EDARADD: variants seen among roughly 807,000 people sequenced by gnomAD.
EDARADD encodes the protein EDAR associated via death domain, also known as ectodysplasin-A receptor-associated adapter protein.
In EDARADD, 20 loss-of-function variants were observed where a neutral mutation model predicts 25.6. The observed-to-expected ratio is 0.78, with a 90% CI of 0.55 to 1.14. The LOEUF is 1.14. EDARADD is among the 50% of genes most tolerant of loss of function. The pLI, the probability that EDARADD is intolerant of heterozygous loss-of-function variation, is 0.00. For missense variants in EDARADD, 225 were observed against 270.1 expected (o/e 0.83, Z 1.17); for synonymous variants, 86 against 94.4 (o/e 0.91, Z 0.52).
intron 1 of EDARADD, among the ~76,000 whole-genome samples, chr1:236,402,548 C>A (rs898282958): frequency 2.6e-5 from 4 of 152,038 alleles, no homozygotes; most frequent in Non-Finnish European, 4.4e-5. Flanking sequence ...GAGAGTGAAA[C>A]CCTGTCTCAA....
intron 4 of EDARADD, among the ~76,000 whole-genome samples, chr1:236,434,235 A>T (rs1253565612): frequency 6.6e-6 from 1 of 150,648 alleles, no homozygotes; most frequent in Non-Finnish European, 1.5e-5. Flanking sequence ...AACATTATGA[A>T]TTTTTTTGCT....
chr1:236,377,230 A>T (rs1203514768), intron 3 of EDARADD, among the ~76,000 whole-genome samples: 2 of 150,998 alleles, frequency 1.3e-5, no homozygotes, highest in African/African-American at 2.4e-5. Context: ...ATCTCGGTTC[A>T]CTGCAACCTC....
chr1:236,416,622 T>C (rs556388535), intron 3 of EDARADD, among the ~76,000 whole-genome samples: 3 of 152,330 alleles, frequency 2.0e-5, no homozygotes, highest in African/African-American at 7.2e-5. Flanking sequence ...TCATGCTGAA[T>C]AGTATTTTTT....
intron 1 of EDARADD, among the ~76,000 whole-genome samples, chr1:236,402,327 T>C (rs1667627725): frequency 1.3e-5 from 2 of 152,110 alleles, no homozygotes; most frequent in South Asian, 4.1e-4. Context: ...TCCCAGCATT[T>C]TGGGAAGCCA....
chr1:236,361,283 C>T (rs1419702464), intron 3 of EDARADD, among the ~76,000 whole-genome samples: 1 of 150,112 alleles, frequency 6.7e-6, no homozygotes, highest in African/African-American at 2.5e-5. Context: ...CTGTCAATTC[C>T]TTGGTTTTGT....
chr1:236,432,122 G>A (rs1658112197), intron 4 of EDARADD, among the ~76,000 whole-genome samples: 1 of 152,060 alleles, frequency 6.6e-6, no homozygotes, highest in Admixed American at 6.6e-5. Context: ...ACATGCATAA[G>A]CATATGGCAA....
At chr1:236,478,122 GA>G (rs113781551) in intron 5 of EDARADD, among the ~76,000 whole-genome samples, 6,500 of 150,510 alleles carry the variant, frequency 0.043, 356 homozygotes, top group African/African-American at 0.13. Flanking sequence ...GAAAAGGAAA[GA>G]AAAAAAAATC....
At chr1:236,440,543 G>A (rs1282932869) in intron 4 of EDARADD, among the ~76,000 whole-genome samples, 2 of 151,208 alleles carry the variant, frequency 1.3e-5, no homozygotes, top group Non-Finnish European at 2.9e-5. Context: ...TCTTTTTATT[G>A]TGTGTTATGT....
intron 3 of EDARADD, among the ~76,000 whole-genome samples, chr1:236,377,854 TA>T (rs142570871): frequency 4.8e-5 from 7 of 146,752 alleles, no homozygotes; most frequent in African/African-American, 7.5e-5. Flanking sequence ...GAGACTCCAT[TA>T]AAAAAAAAAC....
In EDARADD at chr1:236,483,755, G is replaced by A. The variant is rs946510220; in HGVS notation, c.*1106G>A. The A allele has an allele frequency of 5.3e-6, 8 of 1,495,402 alleles. No individual in the cohort carries two copies. Among genetic ancestry groups the A allele is most frequent in the Non-Finnish European group, 7.4e-6 (8 of 1,073,860 alleles). The allele number at this position is 1,495,402 out of a possible 1,614,324, so 92.6% of individuals were successfully genotyped here. On this transcript the variant is annotated 3_prime_UTR_variant, in exon 6 of 6. Transcript: ENST00000334232. The stretch of plus-strand genomic sequence containing the variant: ...ACCACAGCCTGAAGAATGTCATCAA[G>A]GAGAAATATGGGAAAGATGCCACCG...
chr1:236,483,837 G>A lies in EDARADD; in HGVS notation c.*1188G>A. The A allele has an allele frequency of 3.5e-6, 5 of 1,430,272 alleles. No homozygotes were observed. Among genetic ancestry groups the A allele is most frequent in the Non-Finnish European group, 4.9e-6 (5 of 1,014,726 alleles). 88.6% of individuals were successfully genotyped at this position (1,430,272 alleles called of 1,614,324 possible). On this transcript the variant is annotated 3_prime_UTR_variant, in exon 6 of 6. Coordinates refer to ENST00000334232, the MANE Select transcript of EDARADD (RefSeq NM_145861.4). ...CATCCTGGAGAATAAAGAAGGCCTG[G>A]AGCTGCTGAAGACTGCGATTGGGAA...
intron 3 of EDARADD, among the ~76,000 whole-genome samples, chr1:236,382,792 G>A (rs552471828): frequency 3.2e-4 from 48 of 152,252 alleles, no homozygotes; most frequent in African/African-American, 1.2e-3. Context: ...TGGTTGGCAC[G>A]AACAGGCACT....
chr1:236,355,500 CTTTT>C (rs563976436), intron 3 of EDARADD, among the ~76,000 whole-genome samples: 3 of 73,166 alleles, frequency 4.1e-5, no homozygotes, highest in Admixed American at 2.5e-4. Flanking sequence ...GCTTCTTCTT[CTTTT>C]TTTTTTTTTT....
intron 3 of EDARADD, among the ~76,000 whole-genome samples, chr1:236,423,305 G>A (rs1657826825): frequency 6.6e-6 from 1 of 152,156 alleles, no homozygotes; most frequent in Non-Finnish European, 1.5e-5. Flanking sequence ...AGGGTCAATA[G>A]CTATTTATTG....
intron 5 of EDARADD, among the ~76,000 whole-genome samples, chr1:236,480,096 C>CAT (rs72215388): frequency 0.092 from 6,961 of 75,880 alleles, 507 homozygotes; most frequent in Non-Finnish European, 0.1. Flanking sequence ...TTAAGTATGC[C>CAT]ATATATATAT....
intron 3 of EDARADD, among the ~76,000 whole-genome samples, chr1:236,362,901 C>T (rs1315613516): frequency 1.4e-5 from 2 of 146,568 alleles, no homozygotes; most frequent in African/African-American, 2.5e-5. Flanking sequence ...TGCAGTGGCT[C>T]ATGCCTGTAA....
chr1:236,441,176 G>A (rs185985754), intron 4 of EDARADD, among the ~76,000 whole-genome samples: 26 of 151,006 alleles, frequency 1.7e-4, no homozygotes, highest in African/African-American at 5.6e-4. Context: ...CTGATATGGA[G>A]AATGTTTTAG....
Position 236,405,918 on chromosome 1 carries a change from TTTCTTTCTCTTTCC to T in EDARADD, c.62-3295_62-3282del, listed in dbSNP as rs1558112942. On this transcript the variant is annotated intron_variant, in intron 1 of 5. Transcript: ENST00000334232. ...CTTTCTTTCTTTCTTTCTTTCTTTC[TTTCTTTCTCTTTCC>T]TTTTTTTTTTCTGCTCATTCTAATT... 3.4e-4 allele frequency among the ~76,000 whole-genome samples: 20 copies of T among 58,464 alleles called. No homozygotes were observed. The South Asian group carries it at 0.011, about 33-fold the overall frequency. 38.4% of individuals were successfully genotyped at this position (58,464 alleles called of 152,430 possible).
At chr1:236,431,838 G>A (rs1336058339) in intron 4 of EDARADD, among the ~76,000 whole-genome samples, 3 of 76,968 alleles carry the variant, frequency 3.9e-5, no homozygotes, top group Non-Finnish European at 7.5e-5. Flanking sequence ...GGAGAATGGC[G>A]TGAACCCGGG....
Sources: gnomAD v4.1 joint callset for allele counts (sites outside exome capture counted in the v4.1 genomes callset) on GRCh38, gnomAD v4.1.1 for gene constraint, MANE v1.5 for transcripts, NCBI Gene and HGNC (gene_info 2026-07-23, HGNC 2026-07-21) for gene names.